TG: variants seen among roughly 807,000 people sequenced by gnomAD.
TG encodes the protein thyroid hormones.
TG carries 270 observed loss-of-function variants against 324.7 expected under a neutral mutation model. The ratio of observed to expected loss-of-function variants is 0.83; its 90% CI spans 0.75 to 0.92. TG has a LOEUF of 0.92. TG is among the 40% of genes least tolerant of loss of function. The pLI is 0.00. For synonymous variants in TG, 1,401 were observed against 1,327.0 expected (o/e 1.06, Z -1.21); for missense variants, 3,591 against 3,456.4 (o/e 1.04, Z -0.98).
At chr8:133,048,512 T>G (rs549478227) in intron 41 of TG, 278 of 155,202 alleles carry the variant, frequency 1.8e-3, no homozygotes, top group Non-Finnish European at 3.2e-3. Context: ...TGAGCTACCG[T>G]GCTCAGCCCT....
chr8:133,020,474 G>C (rs1431742839), intron 39 of TG, among the ~76,000 whole-genome samples: 1 of 152,160 alleles, frequency 6.6e-6, no homozygotes, highest in African/African-American at 2.4e-5. Context: ...TTCCCTTGTT[G>C]GTGAGCTACC....
chr8:132,940,752 G>C (rs1015716299), intron 25 of TG, among the ~76,000 whole-genome samples: 1 of 152,236 alleles, frequency 6.6e-6, no homozygotes, highest in Non-Finnish European at 1.5e-5. Flanking sequence ...CATGGGTATT[G>C]TGTACAGTCC....
chr8:133,007,265 G>A (rs910052929), intron 35 of TG, among the ~76,000 whole-genome samples: 3 of 151,952 alleles, frequency 2.0e-5, no homozygotes, highest in Non-Finnish European at 4.4e-5. Flanking sequence ...GAGGAGAGGC[G>A]GGGACGGAAG....
At chr8:133,009,244 C>T (rs983570543) in intron 35 of TG, among the ~76,000 whole-genome samples, 1 of 152,210 alleles carries the variant, frequency 6.6e-6, no homozygotes, top group Non-Finnish European at 1.5e-5. Context: ...GCAGTGTTCT[C>T]ACCCTCTAAA....
intron 17 of TG, 107 bp downstream of exon 17, chr8:132,907,007 A>G: frequency 8.4e-7 from 1 of 1,194,838 alleles, no homozygotes; most frequent in Non-Finnish European, 1.2e-6. Flanking sequence ...CAAATGTAGC[A>G]CGCTGGTGGT....
intron 20 of TG, among the ~76,000 whole-genome samples, chr8:132,914,974 G>A (rs561028303): frequency 6.6e-4 from 101 of 152,270 alleles, no homozygotes; most frequent in South Asian, 1.0e-3. Flanking sequence ...ATGAGTGTGT[G>A]TGTGTATGTG....
At chr8:133,095,547 G>A (rs1588082129) in intron 42 of TG, among the ~76,000 whole-genome samples, 2 of 152,288 alleles carry the variant, frequency 1.3e-5, no homozygotes, top group Middle Eastern at 3.4e-3. Context: ...GGTGGGCAGG[G>A]GACCAAACCC....
chr8:133,011,728 CAATA>C (rs896286110), intron 35 of TG, among the ~76,000 whole-genome samples, 169 bp from the exon 36 acceptor site: 26 of 152,134 alleles, frequency 1.7e-4, no homozygotes, highest in African/African-American at 5.3e-4. Context: ...ATAAATAATT[CAATA>C]AATACTTGTA....
At chr8:133,019,410 G>A (rs186449427) in intron 38 of TG, among the ~76,000 whole-genome samples, 192 bp from the exon 39 acceptor site, 1 of 152,220 alleles carries the variant, frequency 6.6e-6, no homozygotes, top group East Asian at 1.9e-4. Context: ...CCAGAGAGCG[G>A]TGGGCACTCT....
At chr8:133,133,684 G>A in intron 47 of TG, 24 bp downstream of exon 47, 1 of 1,607,918 alleles carries the variant, frequency 6.2e-7, no homozygotes, top group Non-Finnish European at 8.5e-7. Flanking sequence ...GGGACAAGTG[G>A]AGGGAGCTGG....
intron 45 of TG, among the ~76,000 whole-genome samples, chr8:133,120,755 G>A (rs1037154386): frequency 1.3e-5 from 2 of 152,136 alleles, no homozygotes; most frequent in Non-Finnish European, 2.9e-5. Flanking sequence ...CCATTCTGGG[G>A]TACTAGGGGT....
intron 41 of TG, among the ~76,000 whole-genome samples, chr8:133,071,756 T>G (rs117836380): frequency 0.01 from 1,535 of 152,228 alleles, 13 homozygotes; most frequent in Non-Finnish European, 0.016. Flanking sequence ...CTTGGTCCCC[T>G]CTCTTCTCTC....
chr8:132,956,194 C>T (rs919315372), intron 27 of TG, among the ~76,000 whole-genome samples: 2 of 152,098 alleles, frequency 1.3e-5, no homozygotes, highest in African/African-American at 4.8e-5. Context: ...TGGGGCTAAC[C>T]TTCTGATGCG....
intron 26 of TG, among the ~76,000 whole-genome samples, chr8:132,942,096 A>T (rs1281093715): frequency 6.6e-6 from 1 of 152,226 alleles, no homozygotes; most frequent in Non-Finnish European, 1.5e-5. Context: ...CCTTCTGTTT[A>T]TGGAAATAAA....
intron 20 of TG, among the ~76,000 whole-genome samples, chr8:132,914,689 A>G (rs1246414979): frequency 6.6e-6 from 1 of 152,190 alleles, no homozygotes; most frequent in Non-Finnish European, 1.5e-5. Context: ...TAGCTCACCT[A>G]ACTGATTAAT....
chr8:132,877,442 G>C (rs79236133), intron 5 of TG, among the ~76,000 whole-genome samples: 4,693 of 152,132 alleles, frequency 0.031, 176 homozygotes, highest in East Asian at 0.087. Context: ...GGTACGGCCC[G>C]CTCTTTTAAG....
chr8:132,888,390 C>T lies in TG; in HGVS notation c.2583C>T (p.Ile861=). ...AACGGCCCCAGCCCAGGGAGAATAT[C>T]CTCCTGGAGCCCTACCTCTTCTGGC... The part of the protein sequence containing the change: ...EGKRPQPREN[I]LLEPYLFWQI... The change falls in exon 10 of 48, where the codon ATC becomes ATT. Residue 861 remains isoleucine, a synonymous_variant. Transcript: ENST00000220616. The T allele has an allele frequency of 1.2e-6, 2 of 1,614,098 alleles. No individual in the cohort carries two copies. Among genetic ancestry groups the T allele is most frequent in the Non-Finnish European group, 8.5e-7 (1 of 1,179,964 alleles).
chr8:132,990,688 A>G (rs1431415530), intron 35 of TG, among the ~76,000 whole-genome samples: 1 of 152,150 alleles, frequency 6.6e-6, no homozygotes, highest in Non-Finnish European at 1.5e-5. Flanking sequence ...TGCTTTCTAT[A>G]TTTTAATCTT....
At chr8:132,879,234 G>A (rs1040397178) in intron 5 of TG, among the ~76,000 whole-genome samples, 1 of 152,350 alleles carries the variant, frequency 6.6e-6, no homozygotes, top group South Asian at 2.1e-4. Flanking sequence ...AAGATTCAGA[G>A]CTTGAAATCA....
Sources: gnomAD v4.1 joint callset for allele counts (sites outside exome capture counted in the v4.1 genomes callset) on GRCh38, gnomAD v4.1.1 for gene constraint, MANE v1.5 for transcripts, NCBI Gene and HGNC (gene_info 2026-07-23, HGNC 2026-07-21) for gene names.